Variants in UNC13C observed in about 807,000 individuals in gnomAD.
UNC13C encodes the protein unc-13 homolog C.
In UNC13C, 174 loss-of-function variants were observed where a neutral mutation model predicts 245.4. The observed-to-expected ratio is 0.71, with a 90% CI of 0.63 to 0.80. UNC13C has a LOEUF of 0.80. UNC13C is among the 30% of genes least tolerant of loss of function. The pLI, the probability that UNC13C is intolerant of heterozygous loss-of-function variation, is 0.00. For missense variants in UNC13C, 2,829 were observed against 2,602.9 expected (o/e 1.09, Z -1.89); for synonymous variants, 992 against 895.1 (o/e 1.11, Z -1.93).
rs1199337918 is a variant in UNC13C at position 54,321,937 on chromosome 15, A to T, written c.4269-2A>T. ...AAACACTTTATGTTTTTTGTCTTTC[A>T]GGCACTTTTCATGTCTGTCTTCTAA... On this transcript the variant is annotated splice_acceptor_variant, in intron 13 of 32. Coordinates refer to ENST00000260323, the MANE Select transcript of UNC13C (RefSeq NM_001080534.3). LOFTEE classifies it high-confidence loss of function. 1 of 1,564,158 alleles carries T rather than the reference A, an allele frequency of 6.4e-7. No individual in the cohort carries two copies. The highest frequency in any genetic ancestry group is 8.7e-7 in the Non-Finnish European group (1 of 1,154,028).
At chr15:54,491,437 A>G (rs1893699052) in intron 19 of UNC13C, among the ~76,000 whole-genome samples, 1 of 152,210 alleles carries the variant, frequency 6.6e-6, no homozygotes, top group South Asian at 2.1e-4. Flanking sequence ...AGCTGGAAAA[A>G]TGCAAAAGTT....
the UNC13C span, among the ~76,000 whole-genome samples, chr15:53,856,263 T>A: frequency 4.1e-4 from 62 of 152,144 alleles, 1 homozygote; most frequent in East Asian, 0.011. Context: ...ATCTTTTGAA[T>A]TTTTTTGTAT....
At chr15:53,857,269 C>T in the UNC13C span, among the ~76,000 whole-genome samples, 1 of 152,124 alleles carries the variant, frequency 6.6e-6, no homozygotes, top group Non-Finnish European at 1.5e-5. Context: ...TTTAATTCAG[C>T]TAAAGTTTCT....
chr15:54,227,075 C>T (rs75719217), intron 4 of UNC13C, among the ~76,000 whole-genome samples: 7,577 of 152,156 alleles, frequency 0.05, 381 homozygotes, highest in East Asian at 0.27. Flanking sequence ...GAATGAGGCA[C>T]GCAAACAGCT....
chr15:54,193,366 C>G (rs751637616), intron 4 of UNC13C, among the ~76,000 whole-genome samples: 5 of 152,122 alleles, frequency 3.3e-5, no homozygotes, highest in Non-Finnish European at 7.4e-5. Context: ...TGTTTTCTAT[C>G]TTTATTCAGT....
the UNC13C span, among the ~76,000 whole-genome samples, chr15:53,960,023 T>A: frequency 1.1e-4 from 17 of 152,274 alleles, no homozygotes; most frequent in African/African-American, 4.1e-4. Context: ...TTTTACAGTT[T>A]ACAGTTAAAA....
chr15:54,013,386 A>G lies in UNC13C; in HGVS notation c.483A>G (p.Ala161=), dbSNP rs745542322. ...ACAGAAAGAGTTCAAGCAGCCTTGC[A>G]CCCTCTGAGGGCAGCTCTGACGGGG... The part of the protein sequence containing the change: ...RRNRKSSSSL[A]PSEGSSDGER... Residue 161 remains alanine, a synonymous_variant, in exon 2 of 33, where the codon GCA becomes GCG. Coordinates refer to ENST00000260323, the MANE Select transcript of UNC13C (RefSeq NM_001080534.3). 1.5e-5 allele frequency: 24 copies of G among 1,613,870 alleles called. No individual in the cohort carries two copies. The highest frequency in any genetic ancestry group is 2.0e-5 in the Non-Finnish European group (24 of 1,179,860).
At chr15:54,016,942 T>C (rs1895687232) in intron 2 of UNC13C, among the ~76,000 whole-genome samples, 2 of 152,196 alleles carry the variant, frequency 1.3e-5, no homozygotes, top group African/African-American at 4.8e-5. Flanking sequence ...AACATAATAA[T>C]ATCTGCAGCC....
intron 17 of UNC13C, among the ~76,000 whole-genome samples, chr15:54,383,668 A>G (rs2039776092): frequency 2.0e-5 from 3 of 152,284 alleles, no homozygotes; most frequent in South Asian, 2.1e-4. Context: ...AGTCTTTGCC[A>G]GAGAAATCAG....
chr15:54,455,193 CTCTCTCTCTCTCTA>C (rs1309697448), intron 19 of UNC13C, among the ~76,000 whole-genome samples: 4 of 47,328 alleles, frequency 8.5e-5, no homozygotes, highest in African/African-American at 2.9e-4. Flanking sequence ...CTCTCTCTCT[CTCTCTCTCTCTCTA>C]TATATATATA....
At chr15:54,332,339 T>TGTGTG (rs763306749) in intron 15 of UNC13C, among the ~76,000 whole-genome samples, 3 of 90,998 alleles carry the variant, frequency 3.3e-5, no homozygotes, top group African/African-American at 1.3e-4. Flanking sequence ...GTGTGTGTGT[T>TGTGTG]TGTGTATGCA....
intron 4 of UNC13C, among the ~76,000 whole-genome samples, chr15:54,190,438 C>G (rs1222726903): frequency 6.6e-6 from 1 of 151,992 alleles, no homozygotes; most frequent in Non-Finnish European, 1.5e-5. Context: ...AATTTTGTAT[C>G]TTTTTAGTGA....
intron 17 of UNC13C, among the ~76,000 whole-genome samples, chr15:54,377,737 C>A (rs574072124): frequency 1.3e-5 from 2 of 152,134 alleles, no homozygotes; most frequent in Non-Finnish European, 2.9e-5. Context: ...AGTGAACCAG[C>A]TCCCTCAGGC....
intron 4 of UNC13C, among the ~76,000 whole-genome samples, chr15:54,172,701 CAGATATATATATATATATATATAT>C (rs1567066890): frequency 2.0e-5 from 1 of 49,014 alleles, no homozygotes; most frequent in Non-Finnish European, 4.6e-5. Context: ...AATACACACA[CAGATATATATATATATATATATAT>C]ATATATATAT....
At chr15:54,555,191 G>T (rs1897038155) in intron 28 of UNC13C, among the ~76,000 whole-genome samples, 1 of 151,862 alleles carries the variant, frequency 6.6e-6, no homozygotes, top group South Asian at 2.1e-4. Flanking sequence ...GTTTGCAAGT[G>T]AAAATAAAGC....
intron 13 of UNC13C, among the ~76,000 whole-genome samples, chr15:54,309,732 C>T (rs2037819623): frequency 1.3e-5 from 2 of 151,896 alleles, no homozygotes; most frequent in Middle Eastern, 6.8e-3. Flanking sequence ...TGTGGACATC[C>T]AGTTTTTTCA....
the UNC13C span, among the ~76,000 whole-genome samples, chr15:53,848,071 C>T: frequency 0.094 from 13,856 of 146,758 alleles, 916 homozygotes; most frequent in Admixed American, 0.21. Flanking sequence ...TATTTCATTT[C>T]GGACATCGGT....
In UNC13C at chr15:54,181,211, T is replaced by C. The variant is rs142205784; in HGVS notation, c.3071+37527T>C. Among the ~76,000 whole-genome samples the C allele has an allele frequency of 4.2e-4, 64 of 152,202 alleles. No individual in the cohort carries two copies. The East Asian group carries it at 0.012, about 28-fold the overall frequency. ...AGGTAGGGATACACTTTTATTCTTCTGCATATGGCTACCTAGTTATGCAAG... is the reference window on the plus strand; with the variant it reads ...AGGTAGGGATACACTTTTATTCTTCCGCATATGGCTACCTAGTTATGCAAG... On this transcript the variant is annotated intron_variant, in intron 4 of 32. Coordinates refer to ENST00000260323, the MANE Select transcript of UNC13C (RefSeq NM_001080534.3).
At position 54,143,619 on chromosome 15, in the gene UNC13C, G is replaced by A. The variant is rs1348916982; in HGVS notation, c.3007-1G>A. On this transcript the variant is annotated splice_acceptor_variant, in intron 3 of 32. Transcript: ENST00000260323. LOFTEE classifies it high-confidence loss of function. Reference sequence around the variant, plus strand: ...TGTTTTTCTCTTACTCTTCATTTAAGGCTCGAATAGTAAGTGGCAATGATT... The same window carrying A: ...TGTTTTTCTCTTACTCTTCATTTAAAGCTCGAATAGTAAGTGGCAATGATT... The A allele has an allele frequency of 1.9e-6, 3 of 1,612,636 alleles. No homozygotes were observed. The highest frequency in any genetic ancestry group is 2.5e-6 in the Non-Finnish European group (3 of 1,179,000).
Sources: gnomAD v4.1 joint callset for allele counts (sites outside exome capture counted in the v4.1 genomes callset) on GRCh38, gnomAD v4.1.1 for gene constraint, MANE v1.5 for transcripts, NCBI Gene and HGNC (gene_info 2026-07-23, HGNC 2026-07-21) for gene names.